Variants in HERC2 observed in about 807,000 individuals in gnomAD.
HERC2 encodes the protein HECT and RLD domain containing E3 ubiquitin protein ligase 2, also known as E3 ubiquitin-protein ligase HERC2.
HERC2 carries 102 observed loss-of-function variants against 537.7 expected under a neutral mutation model. The observed-to-expected ratio is 0.19, with a 90% CI of 0.16 to 0.22. The LOEUF is 0.22. Among genes scored for constraint, HERC2 ranks in the 10% least tolerant of loss-of-function variants. The probability of loss-of-function intolerance (pLI) is 1.00; values close to 1 mark genes in which losing one functional copy is unlikely to be tolerated. For synonymous variants in HERC2, 2,224 were observed against 2,466.2 expected (o/e 0.90, Z 2.91); for missense variants, 4,236 against 6,198.2 (o/e 0.68, Z 10.63).
chr15:28,210,017 G>A (rs994972568), intron 44 of HERC2, among the ~76,000 whole-genome samples: 12 of 120,892 alleles, frequency 9.9e-5, no homozygotes, highest in Admixed American at 5.9e-4. Flanking sequence ...GGCACAATCT[G>A]CACCCTGCAA....
At position 28,238,690 on chromosome 15, in the gene HERC2, T is replaced by G. The variant is rs200259544; in HGVS notation, c.3660A>C (p.Lys1220Asn). Reference sequence around the variant, plus strand: ...CAATCACAGTCCAGAAGCCTCCATCTTTATTATGGTTCTCCAAATCAGCTT... The same window carrying G: ...CAATCACAGTCCAGAAGCCTCCATCGTTATTATGGTTCTCCAAATCAGCTT... The part of the protein sequence containing the change: ...IRKADLENHN[K>N]DGGFWTVIDG... The change falls in exon 24 of 93, where the codon AAA becomes AAC. Residue 1220 changes from lysine (K) to asparagine (N), a missense_variant. Coordinates refer to ENST00000261609, the MANE Select transcript of HERC2 (RefSeq NM_004667.6). 93 of 1,611,412 alleles carry G rather than the reference T, an allele frequency of 5.8e-5. No homozygotes were observed. Among genetic ancestry groups the G allele is most frequent in the East Asian group, 4.5e-4 (20 of 44,872 alleles).
intron 50 of HERC2, among the ~76,000 whole-genome samples, chr15:28,197,351 T>C (rs1300239231): frequency 6.6e-6 from 1 of 152,256 alleles, no homozygotes; most frequent in African/African-American, 2.4e-5. Context: ...GGATTTGATT[T>C]GGAATCTCAA....
rs761119659 is a variant in HERC2 at position 28,233,558 on chromosome 15, T to C, written c.4355A>G (p.His1452Arg). ...CCLLKHEDLG[H>R]VALSLVHAGA... ...TGCATGAACTAAAGATAATGCCACATGACCTGTAAAAAGACATTTAAAAGA... is the reference window on the plus strand; with the variant it reads ...TGCATGAACTAAAGATAATGCCACACGACCTGTAAAAAGACATTTAAAAGA... Residue 1452 changes from histidine to arginine, a missense_variant, in exon 29 of 93, where the codon CAT (histidine) becomes CGT (arginine). His to Arg is a conservative substitution (Grantham distance 29). Around this residue, in one of 27 missense-constraint regions of HERC2, gnomAD observed 94 missense variants for 174.9 expected, o/e 0.54. Transcript: ENST00000261609. The C allele has an allele frequency of 6.2e-7, 1 of 1,613,502 alleles. No individual in the cohort carries two copies. The highest frequency in any genetic ancestry group is 2.2e-5 in the East Asian group (1 of 44,874).
chr15:28,135,400 G>A (rs938508066), intron 79 of HERC2, 78 bp downstream of exon 79: 25 of 1,105,660 alleles, frequency 2.3e-5, no homozygotes, highest in African/African-American at 6.2e-5. Flanking sequence ...AAAACAAAGC[G>A]CCAATAGATT....
At chr15:28,124,412 A>G (rs962452146) in intron 84 of HERC2, among the ~76,000 whole-genome samples, 178 bp from the exon 85 acceptor site, 1 of 152,218 alleles carries the variant, frequency 6.6e-6, no homozygotes, top group African/African-American at 2.4e-5. Context: ...GTCCAGTTTG[A>G]CTGTAAAAAA....
At chr15:28,120,900 G>T (rs967406942) in intron 86 of HERC2, among the ~76,000 whole-genome samples, 1 of 152,200 alleles carries the variant, frequency 6.6e-6, no homozygotes, top group African/African-American at 2.4e-5. Context: ...CTGCAAGAGA[G>T]GAGCAGGCTG....
chr15:28,247,693 G>A (rs1333571824), intron 21 of HERC2, among the ~76,000 whole-genome samples: 1 of 152,086 alleles, frequency 6.6e-6, no homozygotes, highest in Non-Finnish European at 1.5e-5. Context: ...CTCCCAAAGT[G>A]CTGGGATTAC....
At position 28,305,117 on chromosome 15, in the gene HERC2, G is replaced by A. The variant is rs1228498972; in HGVS notation, c.73-5601C>T. Reference sequence around the variant, plus strand: ...CATTTTCTTAATCCAGTCTATCATTGTTGGACATTTGGGTTGGTTCCAAGT... The same window carrying A: ...CATTTTCTTAATCCAGTCTATCATTATTGGACATTTGGGTTGGTTCCAAGT... On this transcript the variant is annotated intron_variant, in intron 2 of 92. Coordinates refer to ENST00000261609, the MANE Select transcript of HERC2 (RefSeq NM_004667.6). Among the ~76,000 whole-genome samples the A allele has an allele frequency of 2.8e-5, 4 of 143,018 alleles. No homozygotes were observed. The East Asian group carries it at 7.9e-4, about 28-fold the overall frequency. The allele number at this position is 143,018 out of a possible 152,430, so 93.8% of individuals were successfully genotyped here.
chr15:28,236,573 G>A (rs759394376), intron 26 of HERC2, among the ~76,000 whole-genome samples: 11 of 151,662 alleles, frequency 7.3e-5, no homozygotes, highest in Non-Finnish European at 1.5e-4. Flanking sequence ...TTACAGGCAT[G>A]AGCCACTGCC....
intron 78 of HERC2, among the ~76,000 whole-genome samples, 184 bp downstream of exon 78, chr15:28,141,248 T>TG (rs1891196534): frequency 6.6e-6 from 1 of 152,056 alleles, no homozygotes. Flanking sequence ...AACTTTTTTT[T>TG]TTTTTAATTT....
chr15:28,287,767 C>T (rs1185433110), intron 4 of HERC2, among the ~76,000 whole-genome samples: 4 of 148,648 alleles, frequency 2.7e-5, no homozygotes, highest in African/African-American at 1.0e-4. Flanking sequence ...ACCCTGTCAC[C>T]CAGGCTAGAG....
chr15:28,220,323 C>T, intron 37 of HERC2, 129 bp downstream of exon 37: 1 of 828,066 alleles, frequency 1.2e-6, no homozygotes, highest in East Asian at 2.4e-5. Flanking sequence ...ATTGCAGGCT[C>T]CGAGGACAGA....
rs75376116 is a variant in HERC2 at position 28,161,800 on chromosome 15, C to G, written c.10746+1294G>C. 4.6e-3 allele frequency among the ~76,000 whole-genome samples: 704 copies of G among 152,252 alleles called. 4 individuals are homozygous for G. Among genetic ancestry groups the G allele is most frequent in the African/African-American group, 0.016 (681 of 41,536 alleles). Reference sequence around the variant, plus strand: ...TTTTAAAGCTGTAATAGTTAAAATACCATAGTATCAGAACCTAAGAAGTTT... The same window carrying G: ...TTTTAAAGCTGTAATAGTTAAAATAGCATAGTATCAGAACCTAAGAAGTTT... On this transcript the variant is annotated intron_variant, in intron 69 of 92. Transcript: ENST00000261609.
At chr15:28,141,361 A>T in intron 78 of HERC2, 71 bp downstream of exon 78, 1 of 1,359,072 alleles carries the variant, frequency 7.4e-7, no homozygotes, top group Non-Finnish European at 1.1e-6. Flanking sequence ...ACGTGCTAAG[A>T]ACCACACAGC....
chr15:28,262,920 T>C lies in HERC2; in HGVS notation c.2120A>G (p.Gln707Arg), dbSNP rs1312079871. Residue 707 changes from glutamine to arginine, a missense_variant and splice_region_variant, in exon 15 of 93, where the codon CAA (glutamine) becomes CGA (arginine). Transcript: ENST00000261609. The part of the protein sequence containing the change: ...VRYPKLLEGL[Q>R]GKKVIDVAAG... ...TAAAAGTTTACATTTGCACTCACCT[T>C]GCAAGCCTTCTAAGAGTTTTGGATA... The C allele has an allele frequency of 1.9e-6, 3 of 1,613,774 alleles. No individual in the cohort carries two copies. In the South Asian group the frequency reaches 3.3e-5, roughly 18 times the overall value.
chr15:28,160,950 G>T (rs186735146), intron 69 of HERC2, among the ~76,000 whole-genome samples: 6 of 152,274 alleles, frequency 3.9e-5, no homozygotes, highest in African/African-American at 1.4e-4. Context: ...ATAAACTTAT[G>T]AAAAATAATA....
intron 23 of HERC2, among the ~76,000 whole-genome samples, chr15:28,239,225 T>A (rs1269452669): frequency 6.6e-6 from 1 of 152,132 alleles, no homozygotes; most frequent in Non-Finnish European, 1.5e-5. Context: ...ATCAAAATAC[T>A]GCAGATCGAA....
chr15:28,235,582 C>A (rs1475133960), intron 26 of HERC2, among the ~76,000 whole-genome samples: 1 of 152,224 alleles, frequency 6.6e-6, no homozygotes, highest in Non-Finnish European at 1.5e-5. Flanking sequence ...GAGAGCCCTG[C>A]TCCTCTCAGC....
intron 44 of HERC2, among the ~76,000 whole-genome samples, chr15:28,210,533 T>C (rs562696696): frequency 5.3e-5 from 8 of 152,220 alleles, no homozygotes; most frequent in Non-Finnish European, 1.0e-4. Flanking sequence ...CATCTATGCA[T>C]GTCAAAGACC....
Sources: allele counts gnomAD v4.1 joint callset (sites outside exome capture counted in the v4.1 genomes callset), GRCh38; gene constraint gnomAD v4.1.1; regional missense constraint gnomAD v4.1.1; transcripts MANE v1.5; gene names NCBI Gene and HGNC (gene_info 2026-07-23, HGNC 2026-07-21).